Variants in TLN2 observed in about 807,000 individuals in gnomAD.
The protein encoded by TLN2 is talin 2, also known as talin-2.
A neutral mutation model predicts 294.7 loss-of-function variants in TLN2; 118 were observed. The observed-to-expected ratio is 0.40, with a 90% CI of 0.34 to 0.47. TLN2 has a LOEUF of 0.47. Among genes scored for constraint, TLN2 ranks in the 20% least tolerant of loss-of-function variants. The probability of loss-of-function intolerance (pLI) is 0.84; values close to 1 mark genes in which losing one functional copy is unlikely to be tolerated. For synonymous variants in TLN2, 1,431 were observed against 1,304.5 expected (o/e 1.10, Z -2.09); for missense variants, 3,083 against 3,282.2 (o/e 0.94, Z 1.48).
intron 1 of TLN2, among the ~76,000 whole-genome samples, chr15:62,535,066 C>G (rs2041260162): frequency 6.6e-6 from 1 of 152,288 alleles, no homozygotes; most frequent in East Asian, 1.9e-4. Flanking sequence ...ATTTTGGAAA[C>G]TTGAGTAGAT....
At chr15:62,688,770 T>A (rs991084503) in intron 12 of TLN2, among the ~76,000 whole-genome samples, 1 of 152,162 alleles carries the variant, frequency 6.6e-6, no homozygotes, top group Admixed American at 6.5e-5. Flanking sequence ...TGTTAGTAAT[T>A]TTTGTTTTTC....
At chr15:62,399,834 G>C (rs143520153) in intron 1 of TLN2, among the ~76,000 whole-genome samples, 1 of 152,152 alleles carries the variant, frequency 6.6e-6, no homozygotes, top group Non-Finnish European at 1.5e-5. Flanking sequence ...TAGGTGAAAG[G>C]GACTTGCCTT....
intron 1 of TLN2, among the ~76,000 whole-genome samples, chr15:62,519,232 T>G (rs926483271): frequency 4.6e-5 from 7 of 152,126 alleles, no homozygotes; most frequent in Non-Finnish European, 8.8e-5. Flanking sequence ...ATATAAAAGG[T>G]AGACATTTCC....
At chr15:62,396,263 C>T (rs1478455673) in intron 1 of TLN2, among the ~76,000 whole-genome samples, 1 of 152,104 alleles carries the variant, frequency 6.6e-6, no homozygotes, top group East Asian at 1.9e-4. Flanking sequence ...TCTCCATGTA[C>T]GCTTCAGTTG....
chr15:62,479,403 C>T (rs1032760336), intron 1 of TLN2, among the ~76,000 whole-genome samples: 20 of 152,186 alleles, frequency 1.3e-4, no homozygotes, highest in African/African-American at 4.6e-4. Flanking sequence ...TCTGAAGTGT[C>T]CCCTTCCACT....
chr15:62,679,227 G>A (rs1039994818), intron 11 of TLN2, among the ~76,000 whole-genome samples: 1 of 152,084 alleles, frequency 6.6e-6, no homozygotes, highest in Non-Finnish European at 1.5e-5. Flanking sequence ...TTCCTCAGTT[G>A]ATTAAACATA....
intron 11 of TLN2, among the ~76,000 whole-genome samples, chr15:62,685,338 A>G (rs1241997889): frequency 6.6e-6 from 1 of 152,120 alleles, no homozygotes; most frequent in African/African-American, 2.4e-5. Context: ...GTGTTATTGA[A>G]AACTTGGATT....
chr15:62,828,991 C>G (rs1462029279), intron 54 of TLN2: 1 of 152,064 alleles, frequency 6.6e-6, no homozygotes, highest in Non-Finnish European at 1.5e-5. Context: ...GTAAGAAATA[C>G]AGATTCCTGA....
At position 62,840,774 on chromosome 15, in the gene TLN2, C is replaced by A; in HGVS notation, c.*164C>A. ...CACATCTCTGTCCCGTCGGCACTGGCTGCATGATCGTGATGTCACACGGTA... is the reference window on the plus strand; with the variant it reads ...CACATCTCTGTCCCGTCGGCACTGGATGCATGATCGTGATGTCACACGGTA... On this transcript the variant is annotated 3_prime_UTR_variant, in exon 59 of 59. Transcript: ENST00000636159. The A allele has an allele frequency of 2.1e-6, 2 of 975,246 alleles. No homozygotes were observed. Among genetic ancestry groups the A allele is most frequent in the South Asian group, 1.8e-5 (1 of 56,416 alleles). The allele number at this position is 975,246 out of a possible 1,614,324, so 60.4% of individuals were successfully genotyped here.
At chr15:62,401,650 G>C (rs1010238623) in intron 1 of TLN2, among the ~76,000 whole-genome samples, 3 of 152,138 alleles carry the variant, frequency 2.0e-5, no homozygotes, top group Admixed American at 6.5e-5. Context: ...AGGACCACTC[G>C]TCTACAGTCC....
At chr15:62,825,513 G>A (rs1284054561) in intron 54 of TLN2, among the ~76,000 whole-genome samples, 1 of 150,584 alleles carries the variant, frequency 6.6e-6, no homozygotes, top group Non-Finnish European at 1.5e-5. Context: ...TGGGCTTTGA[G>A]TGGCACTCAT....
intron 2 of TLN2, among the ~76,000 whole-genome samples, chr15:62,611,774 C>T (rs1389385240): frequency 6.6e-6 from 1 of 152,180 alleles, no homozygotes; most frequent in Non-Finnish European, 1.5e-5. Context: ...GTTCCCAGCT[C>T]TACCACTGAC....
intron 58 of TLN2, among the ~76,000 whole-genome samples, chr15:62,840,251 T>G (rs547189162): frequency 6.6e-6 from 1 of 152,118 alleles, no homozygotes; most frequent in South Asian, 2.1e-4. Context: ...GCAAGAGATG[T>G]TTGCTGTTCA....
At position 62,739,238 on chromosome 15, in the gene TLN2, A is replaced by T. The variant is rs2061187680; in HGVS notation, c.3688-110A>T. On this transcript the variant is annotated intron_variant, in intron 30 of 58. Coordinates refer to ENST00000636159, the MANE Select transcript of TLN2 (RefSeq NM_015059.3). ...GATGACTCAGAGCCTTTTAATCGTG[A>T]TGACTCAAATGCATCTCTGAAGAGT... 8.0e-6 allele frequency: 10 copies of T among 1,243,262 alleles called. No homozygotes were observed. The South Asian group carries it at 1.6e-4, about 19-fold the overall frequency. The allele number at this position is 1,243,262 out of a possible 1,614,324, so 77.0% of individuals were successfully genotyped here.
intron 1 of TLN2, among the ~76,000 whole-genome samples, chr15:62,550,593 G>A (rs2042240105): frequency 6.6e-6 from 1 of 152,308 alleles, no homozygotes. Flanking sequence ...CACATGGGTG[G>A]TGCATTAAAG....
At chr15:62,539,899 C>CAA (rs529006528) in intron 1 of TLN2, among the ~76,000 whole-genome samples, 10 of 111,210 alleles carry the variant, frequency 9.0e-5, no homozygotes, top group African/African-American at 2.9e-4. Context: ...CACAGGAGAC[C>CAA]AAAAAAAAAA....
At position 62,448,912 on chromosome 15, in the gene TLN2, T is replaced by C. The variant is rs186103055; in HGVS notation, c.-238+58227T>C. Among the ~76,000 whole-genome samples the C allele has an allele frequency of 1.9e-4, 29 of 152,296 alleles. 1 individual carries two copies. The highest frequency in any genetic ancestry group is 1.8e-3 in the Admixed American group (27 of 15,298). ...TCTTTATTTGTCTAGGGGGCTTCTT[T>C]TTTCCTCAGAGAGAGGGCATTAGTT... On this transcript the variant is annotated intron_variant, in intron 1 of 58. Transcript: ENST00000636159.
At chr15:62,460,689 AT>A (rs1178289498) in intron 1 of TLN2, among the ~76,000 whole-genome samples, 1 of 152,168 alleles carries the variant, frequency 6.6e-6, no homozygotes, top group East Asian at 1.9e-4. Context: ...AAAAATAAGA[AT>A]TCCATGTTTA....
intron 22 of TLN2, 144 bp from the exon 23 acceptor site, chr15:62,716,187 A>C: frequency 9.4e-7 from 1 of 1,068,026 alleles, no homozygotes; most frequent in East Asian, 3.2e-5. Flanking sequence ...GCATGAGGAA[A>C]CATCTTCATC....
Sources: allele counts gnomAD v4.1 joint callset (sites outside exome capture counted in the v4.1 genomes callset), GRCh38; gene constraint gnomAD v4.1.1; transcripts MANE v1.5; gene names NCBI Gene and HGNC (gene_info 2026-07-23, HGNC 2026-07-21).